The following DNAH10 variants were observed in gnomAD, a reference collection of about 807,000 sequenced individuals.
The protein encoded by DNAH10 is axonemal beta dynein heavy chain 10.
A neutral mutation model predicts 506.6 loss-of-function variants in DNAH10; 348 were observed. The observed-to-expected ratio is 0.69, with a 90% confidence interval of 0.63 to 0.75. DNAH10 has a LOEUF of 0.75. DNAH10 is among the 30% of genes least tolerant of loss of function. The pLI, the probability that DNAH10 is intolerant of heterozygous loss-of-function variation, is 0.00. For missense variants in DNAH10, 5,179 were observed against 5,787.1 expected (o/e 0.89, Z 3.41); for synonymous variants, 2,059 against 2,198.6 (o/e 0.94, Z 1.78).
chr12:123,930,969 G>A (rs1955177446), intron 73 of DNAH10, among the ~76,000 whole-genome samples: 8 of 152,140 alleles, frequency 5.3e-5, no homozygotes, highest in Admixed American at 5.2e-4. Context: ...GATCGCTTGA[G>A]CCCAGAAGTT....
chr12:123,855,902 A>G (rs1951367640), intron 36 of DNAH10, among the ~76,000 whole-genome samples: 1 of 149,692 alleles, frequency 6.7e-6, no homozygotes, highest in Admixed American at 6.6e-5. Context: ...TTTATATTTT[A>G]TTTAATTTTT....
chr12:123,803,512 A>G lies in DNAH10; in HGVS notation c.2615-149A>G, dbSNP rs975443669. ...CCCAGTCCCTTAGGGTTCAAAGTGG[A>G]TCTTTGCCAGCCCAAAGACCCAAGG... On this transcript the variant is annotated intron_variant, in intron 16 of 78. Coordinates refer to ENST00000673944, the MANE Select transcript of DNAH10 (RefSeq NM_001372106.1). The G allele has an allele frequency of 1.2e-5, 9 of 722,870 alleles. No individual in the cohort carries two copies. In the African/African-American group the frequency reaches 1.3e-4, roughly 10 times the overall value. 44.8% of individuals were successfully genotyped at this position (722,870 alleles called of 1,614,324 possible).
intron 23 of DNAH10, 70 bp from the exon 24 acceptor site, chr12:123,820,510 A>C: frequency 1.4e-6 from 2 of 1,454,212 alleles, no homozygotes; most frequent in Admixed American, 4.1e-5. Flanking sequence ...TACATTATGC[A>C]TGATTTCTTA....
intron 7 of DNAH10, among the ~76,000 whole-genome samples, chr12:123,783,558 T>C (rs1438353139): frequency 2.0e-5 from 3 of 152,196 alleles, no homozygotes; most frequent in East Asian, 3.8e-4. Context: ...GCAAATTCCT[T>C]GGCTCACATA....
rs1240893034 is a variant in DNAH10 at position 123,909,749 on chromosome 12, T to G, written c.9997+307T>G. On this transcript the variant is annotated intron_variant, in intron 58 of 78. Transcript: ENST00000673944. The surrounding 1 kb of genome is among the most constrained non-coding windows in gnomAD (Gnocchi z 5.4). ...CATTGGAACCTAGCCCAGCCTTGTC[T>G]TCTGTGCATCTCACCCAGTGCTGTT... Among the ~76,000 whole-genome samples, 1 of 152,234 alleles carries G rather than the reference T, an allele frequency of 6.6e-6. No homozygotes were observed. The highest frequency in any genetic ancestry group is 1.9e-4 in the East Asian group (1 of 5,202).
intron 2 of DNAH10, among the ~76,000 whole-genome samples, chr12:123,769,497 C>T (rs1031377655): frequency 6.6e-5 from 10 of 152,058 alleles, no homozygotes; most frequent in Non-Finnish European, 7.4e-5. Context: ...TTTGATAAGG[C>T]AGATGGTAGT....
At chr12:123,906,638 A>G (rs998926662) in intron 57 of DNAH10, among the ~76,000 whole-genome samples, 34 of 152,150 alleles carry the variant, frequency 2.2e-4, no homozygotes, top group African/African-American at 8.2e-4. Context: ...TGGTACTCTT[A>G]TGTTTTAATT....
At chr12:123,803,246 G>A (rs1182853974) in intron 16 of DNAH10, among the ~76,000 whole-genome samples, 1 of 152,148 alleles carries the variant, frequency 6.6e-6, no homozygotes, top group Non-Finnish European at 1.5e-5. Context: ...TTCATAAAGT[G>A]AGACCGATCG....
intron 58 of DNAH10, 26 bp from the exon 59 acceptor site, chr12:123,910,510 A>G: frequency 6.2e-7 from 1 of 1,602,208 alleles, no homozygotes; most frequent in South Asian, 1.1e-5. Flanking sequence ...TGCCACTCAT[A>G]AAAATTATTG....
rs1464700498 is a variant in DNAH10, at chr12:123,916,660, G to A, written c.10926G>A (p.Leu3642=). The A allele has an allele frequency of 1.2e-6, 2 of 1,613,904 alleles. No individual in the cohort carries two copies. Among genetic ancestry groups the A allele is most frequent in the South Asian group, 2.2e-5 (2 of 91,074 alleles). Residue 3642 remains leucine (L), a synonymous_variant, in exon 63 of 79, where the codon CTG becomes CTA. Transcript: ENST00000673944. This position sits in a 1 kb window ranked among gnomAD's most constrained non-coding sequence, Gnocchi z 4.6. ...TGGACTATGATTCAAATTTCAGACT[G>A]TACCTGAACACCAAGCTGGCCAATC... is the stretch of plus-strand genomic sequence containing the variant. ...KEVDYDSNFR[L]YLNTKLANPR...
rs1183491099 is a variant in DNAH10, at chr12:123,924,394, C to A, written c.11728C>A (p.Pro3910Thr). The change falls in exon 67 of 79, where the codon CCT becomes ACT. Residue 3910 changes from proline (P) to threonine (T), a missense_variant. Transcript: ENST00000673944. Reference protein sequence around the residue: ...EMFSDNFGQLPDDVENNQTVW... With the variant: ...EMFSDNFGQLTDDVENNQTVW... The stretch of plus-strand genomic sequence containing the variant: ...GTTTTCAGACAACTTTGGGCAACTT[C>A]CTGATGATGTTGAGAATAATCAGAC... 1.9e-6 allele frequency: 3 copies of A among 1,613,754 alleles called. No individual in the cohort carries two copies. The highest frequency in any genetic ancestry group is 2.5e-6 in the Non-Finnish European group (3 of 1,179,742).
rs1594416350 is a variant in DNAH10 at position 123,931,477 on chromosome 12, ACT to A, written c.12916+8_12916+9del. ...TGGAGCTGCAGCCTCAGACAGGTAAACTCTACTCAGGAGGACTTCATTAGTTT... is the reference window on the plus strand; with the variant it reads ...TGGAGCTGCAGCCTCAGACAGGTAAACTACTCAGGAGGACTTCATTAGTTT... On this transcript the variant is annotated splice_donor_region_variant and intron_variant, in intron 74 of 78. Coordinates refer to ENST00000673944, the MANE Select transcript of DNAH10 (RefSeq NM_001372106.1). 4 of 1,613,246 alleles carry A rather than the reference ACT, an allele frequency of 2.5e-6. No individual in the cohort carries two copies. The highest frequency in any genetic ancestry group is 3.4e-6 in the Non-Finnish European group (4 of 1,179,524).
chr12:123,862,789 A>C (rs1951662246), intron 39 of DNAH10, among the ~76,000 whole-genome samples: 1 of 152,174 alleles, frequency 6.6e-6, no homozygotes, highest in South Asian at 2.1e-4. Context: ...TATTGTATCA[A>C]TATTACATTT....
rs1473936727 is a variant in DNAH10 at position 123,873,676 on chromosome 12, T to G, written c.7904T>G (p.Leu2635Arg). ...TACGGCCCACCCATGGGAAAACGCCTGCTGGTGTTCATGGATGACATGAAT... is the reference window on the plus strand; with the variant it reads ...TACGGCCCACCCATGGGAAAACGCCGGCTGGTGTTCATGGATGACATGAAT... ...DTYGPPMGKRLLVFMDDMNMP... is the reference protein window; with the variant it reads ...DTYGPPMGKRRLVFMDDMNMP... The change falls in exon 46 of 79, where the codon CTG becomes CGG. Residue 2635 changes from leucine to arginine, a missense_variant. Leu to Arg is a moderately radical substitution (Grantham distance 102). Coordinates refer to ENST00000673944, the MANE Select transcript of DNAH10 (RefSeq NM_001372106.1). The G allele has an allele frequency of 6.2e-7, 1 of 1,612,702 alleles. No homozygotes were observed. The highest frequency in any genetic ancestry group is 2.2e-5 in the East Asian group (1 of 44,878).
intron 65 of DNAH10, among the ~76,000 whole-genome samples, chr12:123,921,129 C>T (rs116360256): frequency 7.5e-4 from 114 of 152,200 alleles, no homozygotes; most frequent in African/African-American, 2.5e-3. Context: ...TGTTTCCCGT[C>T]GTCTGAATTT....
At chr12:123,827,322 A>G (rs1405108814) in intron 25 of DNAH10, among the ~76,000 whole-genome samples, 1 of 152,246 alleles carries the variant, frequency 6.6e-6, no homozygotes. Context: ...TATCCCAAAC[A>G]TTATTTCAAC....
intron 30 of DNAH10, 24 bp downstream of exon 30, chr12:123,841,569 C>T (rs765666459): frequency 6.3e-7 from 1 of 1,595,296 alleles, no homozygotes; most frequent in South Asian, 1.1e-5. Context: ...TGTGGACATG[C>T]ATTGCTCTAT....
chr12:123,849,229 G>T (rs1220583105), intron 34 of DNAH10, among the ~76,000 whole-genome samples: 2 of 152,158 alleles, frequency 1.3e-5, no homozygotes, highest in Non-Finnish European at 2.9e-5. Context: ...CTTAGAAAGC[G>T]AATGTTCCTT....
intron 57 of DNAH10, among the ~76,000 whole-genome samples, chr12:123,904,080 T>C: frequency 6.6e-6 from 1 of 152,250 alleles, no homozygotes; most frequent in Non-Finnish European, 1.5e-5. Flanking sequence ...GTCCGTGCCC[T>C]TGTTTTCTTA....
Sources: allele counts gnomAD v4.1 joint callset (sites outside exome capture counted in the v4.1 genomes callset), GRCh38; gene constraint gnomAD v4.1.1; non-coding constraint Gnocchi (gnomAD v3.1); transcripts MANE v1.5; gene names NCBI Gene and HGNC (gene_info 2026-07-23, HGNC 2026-07-21).